Variants in GNAQ observed in about 807,000 individuals in gnomAD.
GNAQ encodes the protein guanine nucleotide-binding protein G(q) subunit alpha.
Under a neutral mutation model 43.9 loss-of-function variants are expected in GNAQ, and 8 were observed. That is an observed-to-expected ratio of 0.18 (90% CI 0.11 to 0.33). The LOEUF is 0.33. Ranked by LOEUF, GNAQ falls within the 10% of genes least tolerant of loss-of-function variation. GNAQ has a pLI of 1.00. For missense variants in GNAQ, 158 were observed against 450.8 expected (o/e 0.35, Z 5.88); for synonymous variants, 155 against 170.7 (o/e 0.91, Z 0.71).
chr9:77,757,425 C>T (rs1253260328), intron 5 of GNAQ, among the ~76,000 whole-genome samples: 5 of 152,154 alleles, frequency 3.3e-5, no homozygotes, highest in African/African-American at 9.7e-5. Flanking sequence ...TCCACCATTA[C>T]GCTCAAATTG....
chr9:77,988,093 G>T (rs931523999), intron 1 of GNAQ, among the ~76,000 whole-genome samples: 17 of 152,196 alleles, frequency 1.1e-4, no homozygotes, highest in Admixed American at 3.9e-4. Flanking sequence ...AGGTTAGTAG[G>T]TTCAAGGAAC....
At chr9:77,989,145 T>C (rs918489275) in intron 1 of GNAQ, among the ~76,000 whole-genome samples, 7 of 152,338 alleles carry the variant, frequency 4.6e-5, no homozygotes, top group Admixed American at 3.3e-4. Context: ...AGTATGTTTT[T>C]TAAAAATCTT....
intron 1 of GNAQ, among the ~76,000 whole-genome samples, chr9:77,928,425 A>G (rs1160276856): frequency 6.6e-6 from 1 of 152,242 alleles, no homozygotes; most frequent in African/African-American, 2.4e-5. Flanking sequence ...TGGACATGTA[A>G]TTTAGTGGTA....
intron 1 of GNAQ, among the ~76,000 whole-genome samples, chr9:77,976,582 G>T (rs1008974963): frequency 2.0e-5 from 3 of 152,070 alleles, no homozygotes; most frequent in Non-Finnish European, 4.4e-5. Context: ...AGCAGAGATG[G>T]GGTTTCACCA....
intron 5 of GNAQ, among the ~76,000 whole-genome samples, chr9:77,767,489 C>G (rs1826155503): frequency 9.6e-6 from 1 of 104,048 alleles, no homozygotes; most frequent in Non-Finnish European, 2.1e-5. Context: ...TGTCAAGGAG[C>G]TTATAATCTC....
At chr9:77,912,461 C>T (rs1033996401) in intron 2 of GNAQ, among the ~76,000 whole-genome samples, 2 of 152,048 alleles carry the variant, frequency 1.3e-5, no homozygotes, top group African/African-American at 4.8e-5. Flanking sequence ...CGAAGAAAAT[C>T]CAGCAAATTA....
intron 5 of GNAQ, among the ~76,000 whole-genome samples, chr9:77,779,816 C>G (rs1826363594): frequency 6.6e-6 from 1 of 151,494 alleles, no homozygotes; most frequent in African/African-American, 2.4e-5. Flanking sequence ...AATTTGACAA[C>G]CTAGATAAAA....
intron 2 of GNAQ, among the ~76,000 whole-genome samples, chr9:77,863,413 C>G (rs149000825): frequency 6.6e-6 from 1 of 152,160 alleles, no homozygotes; most frequent in East Asian, 1.9e-4. Context: ...CCATCTGAGA[C>G]CACCTCAGCG....
At chr9:77,912,868 C>A (rs372174512) in intron 2 of GNAQ, among the ~76,000 whole-genome samples, 1 of 152,184 alleles carries the variant, frequency 6.6e-6, no homozygotes. Context: ...AAAAAGACTA[C>A]TGGGTGAGGT....
chr9:77,968,387 C>A (rs1823195353), intron 1 of GNAQ, among the ~76,000 whole-genome samples: 1 of 152,116 alleles, frequency 6.6e-6, no homozygotes, highest in African/African-American at 2.4e-5. Context: ...TTAGAGGAAT[C>A]AAAAACTAAA....
intron 2 of GNAQ, among the ~76,000 whole-genome samples, chr9:77,864,145 A>G (rs1246599357): frequency 6.6e-6 from 1 of 151,464 alleles, no homozygotes; most frequent in East Asian, 1.9e-4. Flanking sequence ...AGGAAGGAAG[A>G]AAGAGGGGAG....
chr9:78,020,990 T>C (rs1823901677), intron 1 of GNAQ, among the ~76,000 whole-genome samples: 1 of 152,060 alleles, frequency 6.6e-6, no homozygotes, highest in Non-Finnish European at 1.5e-5. Context: ...CCAGCTGCTC[T>C]TTCTTTGGCC....
At position 77,934,991 on chromosome 9, in the gene GNAQ, G is replaced by A. The variant is rs1295729401; in HGVS notation, c.137-12646C>T. On this transcript the variant is annotated intron_variant, in intron 1 of 6. Coordinates refer to ENST00000286548, the MANE Select transcript of GNAQ (RefSeq NM_002072.5). ...AATACAAAAATTAGCAGGGTATGGT[G>A]GTGTGGGCCTGTAGTCCTAGCTACT... 2.0e-5 allele frequency among the ~76,000 whole-genome samples: 3 copies of A among 152,262 alleles called. No individual in the cohort carries two copies. The East Asian group carries it at 5.8e-4, about 29-fold the overall frequency.
chr9:77,824,919 T>C (rs1827170403), intron 2 of GNAQ, among the ~76,000 whole-genome samples: 1 of 152,186 alleles, frequency 6.6e-6, no homozygotes. Flanking sequence ...GGAAAGAAAG[T>C]CATTTGATCT....
At position 77,861,066 on chromosome 9, in the gene GNAQ, G is replaced by A. The variant is rs183278357; in HGVS notation, c.322-45296C>T. Among the ~76,000 whole-genome samples the A allele has an allele frequency of 1.5e-4, 23 of 152,264 alleles. No homozygotes were observed. In the East Asian group the frequency reaches 3.7e-3, roughly 24 times the overall value. ...AATTTACAAATGAAAGAGGTTTAACGGACTTACAGTTCCATGTGGCTGGGG... is the reference window on the plus strand; with the variant it reads ...AATTTACAAATGAAAGAGGTTTAACAGACTTACAGTTCCATGTGGCTGGGG... On this transcript the variant is annotated intron_variant, in intron 2 of 6. Transcript: ENST00000286548.
At position 77,797,403 on chromosome 9, in the gene GNAQ, T is replaced by C. The variant is rs150821819; in HGVS notation, c.605+117A>G. 3.7e-4 allele frequency: 276 copies of C among 740,164 alleles called. 7 individuals carry two copies. In the South Asian group the frequency reaches 3.7e-3, roughly 10 times the overall value. The allele number at this position is 740,164 out of a possible 1,614,324, so 45.8% of individuals were successfully genotyped here. A position where few individuals can be genotyped will look rare whatever the true frequency, so the allele number is the denominator to read the frequency against. On this transcript the variant is annotated intron_variant, in intron 4 of 6. Transcript: ENST00000286548. ...TTATTTGTATAACTAATGATAATAATTGGTATAAAGCCTATCTTGTTTTGA... is the reference window on the plus strand; with the variant it reads ...TTATTTGTATAACTAATGATAATAACTGGTATAAAGCCTATCTTGTTTTGA...
chr9:77,831,760 AAT>A (rs1178528722), intron 2 of GNAQ, among the ~76,000 whole-genome samples: 1 of 152,222 alleles, frequency 6.6e-6, no homozygotes, highest in Non-Finnish European at 1.5e-5. Flanking sequence ...TGATCACAGA[AAT>A]ACTGTTCATG....
At chr9:77,723,508 C>A (rs898436821) in intron 6 of GNAQ, among the ~76,000 whole-genome samples, 2 of 151,978 alleles carry the variant, frequency 1.3e-5, no homozygotes, top group African/African-American at 4.8e-5. Context: ...AGCTAAAAGG[C>A]GAAAACAATC....
At chr9:77,922,886 G>A (rs1353953056) in intron 1 of GNAQ, among the ~76,000 whole-genome samples, 4 of 152,132 alleles carry the variant, frequency 2.6e-5, no homozygotes, top group African/African-American at 7.2e-5. Flanking sequence ...CTGGAACGCA[G>A]TGGTGTGATC....
Sources: gnomAD v4.1 joint callset for allele counts (sites outside exome capture counted in the v4.1 genomes callset) on GRCh38, gnomAD v4.1.1 for gene constraint, MANE v1.5 for transcripts, NCBI Gene and HGNC (gene_info 2026-07-23, HGNC 2026-07-21) for gene names.